The following FTCDNL1 variants were observed in gnomAD, a reference collection of about 807,000 sequenced individuals.
FTCDNL1 encodes formiminotransferase cyclodeaminase N-terminal like.
In FTCDNL1, 11 loss-of-function variants were observed where a neutral mutation model predicts 5.9. The observed-to-expected ratio is 1.87, with a 90% CI of 1.18 to 3.10. FTCDNL1 has a LOEUF of 3.10. Among genes scored for constraint, FTCDNL1 ranks in the 30% most tolerant of loss-of-function variants. The probability of loss-of-function intolerance (pLI) is 0.00; values close to 1 mark genes in which losing one functional copy is unlikely to be tolerated. For missense variants in FTCDNL1, 115 were observed against 65.5 expected (o/e 1.76, Z -2.61); for synonymous variants, 58 against 24.8 (o/e 2.34, Z -3.99).
chr2:199,743,402 A>T, the FTCDNL1 span, among the ~76,000 whole-genome samples: 1 of 152,228 alleles, frequency 6.6e-6, no homozygotes, highest in Non-Finnish European at 1.5e-5. Context: ...TCTTTTCTTG[A>T]ATGTTAGCCT....
chr2:199,796,485 C>A (rs1244136036), intron 3 of FTCDNL1, among the ~76,000 whole-genome samples: 4 of 152,108 alleles, frequency 2.6e-5, no homozygotes, highest in Admixed American at 1.3e-4. Flanking sequence ...AAATTGTATA[C>A]CACTTTAAAT....
At chr2:199,849,078 C>T in intron 1 of FTCDNL1, 109 bp from the exon 2 acceptor site, 1 of 615,924 alleles carries the variant, frequency 1.6e-6, no homozygotes, top group African/African-American at 1.8e-5. Context: ...ATAATATGAG[C>T]ACTTTACTAT....
intron 2 of FTCDNL1, among the ~76,000 whole-genome samples, chr2:199,847,355 A>G (rs113359462): frequency 9.8e-5 from 15 of 152,324 alleles, no homozygotes; most frequent in African/African-American, 3.6e-4. Context: ...ATGAAGTAAG[A>G]AGAAGATCAT....
chr2:199,720,816 G>T, the FTCDNL1 span, among the ~76,000 whole-genome samples: 7 of 152,152 alleles, frequency 4.6e-5, no homozygotes, highest in East Asian at 1.4e-3. Flanking sequence ...GGAGAAATGG[G>T]GGTAAGCCCC....
intron 3 of FTCDNL1, among the ~76,000 whole-genome samples, chr2:199,828,742 G>T (rs189595908): frequency 1.3e-5 from 2 of 152,184 alleles, no homozygotes; most frequent in African/African-American, 4.8e-5. Context: ...AGAAGGCAGT[G>T]CCTTCTAGTT....
chr2:199,737,488 C>T, the FTCDNL1 span, among the ~76,000 whole-genome samples: 8 of 152,212 alleles, frequency 5.3e-5, no homozygotes, highest in African/African-American at 1.9e-4. Flanking sequence ...TCCAAATACT[C>T]ATAGGTATAC....
At chr2:199,729,185 T>C in the FTCDNL1 span, among the ~76,000 whole-genome samples, 542 of 152,300 alleles carry the variant, frequency 3.6e-3, 3 homozygotes, top group African/African-American at 0.012. Flanking sequence ...TTAAAATACA[T>C]GGGTTCAACA....
At chr2:199,718,420 C>T in the FTCDNL1 span, among the ~76,000 whole-genome samples, 1 of 152,288 alleles carries the variant, frequency 6.6e-6, no homozygotes, top group South Asian at 2.1e-4. Flanking sequence ...GGTATAAATA[C>T]ACCACATATT....
chr2:199,734,076 T>C, the FTCDNL1 span, among the ~76,000 whole-genome samples: 1 of 152,204 alleles, frequency 6.6e-6, no homozygotes, highest in African/African-American at 2.4e-5. Flanking sequence ...TTCAAATAAG[T>C]AGGGCAAGCC....
At chr2:199,789,360 A>G (rs963923159) in intron 3 of FTCDNL1, among the ~76,000 whole-genome samples, 44 of 152,156 alleles carry the variant, frequency 2.9e-4, no homozygotes, top group Admixed American at 2.5e-3. Context: ...ACATCAATAC[A>G]TTAAGGGAGA....
intron 3 of FTCDNL1, among the ~76,000 whole-genome samples, chr2:199,821,076 A>C (rs555263133): frequency 6.6e-6 from 1 of 152,350 alleles, no homozygotes; most frequent in East Asian, 1.9e-4. Flanking sequence ...AATGAAATGC[A>C]GAAGACACTA....
chr2:199,793,045 A>G (rs1269297658), intron 3 of FTCDNL1, among the ~76,000 whole-genome samples: 4 of 152,176 alleles, frequency 2.6e-5, no homozygotes, highest in Non-Finnish European at 5.9e-5. Flanking sequence ...TACTTCTGGG[A>G]AAGTGGTGAA....
intron 3 of FTCDNL1, among the ~76,000 whole-genome samples, chr2:199,838,748 AC>A (rs1215203227): frequency 6.6e-6 from 1 of 152,168 alleles, no homozygotes; most frequent in African/African-American, 2.4e-5. Context: ...GCCCTGCCAC[AC>A]CCTGGTAGAA....
chr2:199,831,463 C>A (rs1037164871), intron 3 of FTCDNL1, among the ~76,000 whole-genome samples: 3 of 152,050 alleles, frequency 2.0e-5, no homozygotes, highest in Non-Finnish European at 4.4e-5. Flanking sequence ...GTGTTATATT[C>A]ATATTATGAT....
chr2:199,767,591 G>A (rs1698596319), intron 3 of FTCDNL1, among the ~76,000 whole-genome samples: 1 of 152,152 alleles, frequency 6.6e-6, no homozygotes, highest in South Asian at 2.1e-4. Context: ...TTAGGCCATG[G>A]GGGATCTGCA....
chr2:199,819,213 G>T, intron 4 of FTCDNL1: 1 of 196,604 alleles, frequency 5.1e-6, no homozygotes, highest in Non-Finnish European at 1.1e-5. Flanking sequence ...CTCTCCAGGT[G>T]TCTCCATCAC....
chr2:199,741,939 C>A, the FTCDNL1 span, among the ~76,000 whole-genome samples: 1 of 152,156 alleles, frequency 6.6e-6, no homozygotes, highest in African/African-American at 2.4e-5. Flanking sequence ...GTAATATTGG[C>A]TGCCTTGATA....
chr2:199,674,982 T>C, the FTCDNL1 span, among the ~76,000 whole-genome samples: 2,497 of 152,352 alleles, frequency 0.016, 25 homozygotes, highest in Non-Finnish European at 0.021. Flanking sequence ...TGCTTAAGCA[T>C]GTATCAGGAA....
intron 3 of FTCDNL1, among the ~76,000 whole-genome samples, chr2:199,826,919 CG>C (rs1559227384): frequency 6.6e-6 from 1 of 152,068 alleles, no homozygotes; most frequent in African/African-American, 2.4e-5. Context: ...CTAATAAATG[CG>C]GAAGTGATGA....
Sources: gnomAD v4.1 joint callset for allele counts (sites outside exome capture counted in the v4.1 genomes callset) on GRCh38, gnomAD v4.1.1 for gene constraint, MANE v1.5 for transcripts, NCBI Gene and HGNC (gene_info 2026-07-23, HGNC 2026-07-21) for gene names.